Variants in NMNAT2 observed in about 807,000 individuals in gnomAD.
NMNAT2 encodes the protein nicotinamide/nicotinic acid mononucleotide adenylyltransferase 2.
In NMNAT2, 11 loss-of-function variants were observed where a neutral mutation model predicts 41.6. The ratio of observed to expected loss-of-function variants is 0.26; its 90% CI spans 0.17 to 0.44. NMNAT2 has a LOEUF of 0.44. Ranked by LOEUF, NMNAT2 falls within the 20% of genes least tolerant of loss-of-function variation. The pLI is 1.00. For missense variants in NMNAT2, 288 were observed against 407.7 expected (o/e 0.71, Z 2.53); for synonymous variants, 148 against 151.2 (o/e 0.98, Z 0.16).
At chr1:183,335,453 C>T (rs936610252) in intron 1 of NMNAT2, among the ~76,000 whole-genome samples, 3 of 152,190 alleles carry the variant, frequency 2.0e-5, no homozygotes, top group African/African-American at 7.2e-5. Flanking sequence ...TCCTCTGCAC[C>T]CCTCTGTGGC....
intron 1 of NMNAT2, among the ~76,000 whole-genome samples, chr1:183,350,282 G>A (rs1363882546): frequency 6.6e-6 from 1 of 152,090 alleles, no homozygotes; most frequent in Non-Finnish European, 1.5e-5. Flanking sequence ...GGAGAACAAG[G>A]GAGTCTCTGT....
At chr1:183,314,766 C>A (rs1288775110) in intron 1 of NMNAT2, among the ~76,000 whole-genome samples, 1 of 152,208 alleles carries the variant, frequency 6.6e-6, no homozygotes, top group Non-Finnish European at 1.5e-5. Context: ...ATAATCTCAG[C>A]TACTCAAGAA....
intron 1 of NMNAT2, among the ~76,000 whole-genome samples, chr1:183,313,620 G>A (rs1191890338): frequency 6.6e-6 from 1 of 151,998 alleles, no homozygotes; most frequent in Non-Finnish European, 1.5e-5. Flanking sequence ...CTGGTAGCTG[G>A]GATTACAGGC....
chr1:183,338,614 A>G (rs1184386833), intron 1 of NMNAT2, among the ~76,000 whole-genome samples: 6 of 152,220 alleles, frequency 3.9e-5, no homozygotes, highest in African/African-American at 1.4e-4. Flanking sequence ...GCGTATTATT[A>G]CTGTTGCCCA....
chr1:183,381,399 A>G (rs540455354), intron 1 of NMNAT2, among the ~76,000 whole-genome samples: 1 of 152,218 alleles, frequency 6.6e-6, no homozygotes, highest in Non-Finnish European at 1.5e-5. Context: ...ACCTCAATAA[A>G]AAATAAATGA....
At chr1:183,294,796 A>G (rs1200955773) in intron 1 of NMNAT2, among the ~76,000 whole-genome samples, 1 of 152,182 alleles carries the variant, frequency 6.6e-6, no homozygotes, top group Non-Finnish European at 1.5e-5. Flanking sequence ...TCTAAAAACA[A>G]AACAAAACAA....
At chr1:183,337,522 T>A (rs1225279753) in intron 1 of NMNAT2, among the ~76,000 whole-genome samples, 1 of 139,152 alleles carries the variant, frequency 7.2e-6, no homozygotes, top group Non-Finnish European at 1.5e-5. Flanking sequence ...AGACCTTGAA[T>A]CTAGGTTTGC....
intron 1 of NMNAT2, among the ~76,000 whole-genome samples, chr1:183,367,070 T>C (rs1349668042): frequency 6.6e-6 from 1 of 152,214 alleles, no homozygotes; most frequent in Non-Finnish European, 1.5e-5. Context: ...CTTAGATATG[T>C]CCACCCTAAG....
Position 183,292,837 on chromosome 1 carries a change from G to A in NMNAT2, c.195C>T (p.His65=), listed in dbSNP as rs557090448. The change falls in exon 3 of 11, where the codon CAC becomes CAT. Residue 65 remains histidine, a synonymous_variant. Coordinates refer to ENST00000287713, the MANE Select transcript of NMNAT2 (RefSeq NM_015039.4). ...CGGCCAGCTGACACATGATGAGACG[G>A]TGCCGGCTTGACACGAGGCCCTGGG... is the stretch of plus-strand genomic sequence containing the variant. ...YGKQGLVSSR[H]RLIMCQLAVQ... The A allele has an allele frequency of 1.9e-6, 3 of 1,614,124 alleles. No homozygotes were observed. Among genetic ancestry groups the A allele is most frequent in the East Asian group, 2.2e-5 (1 of 44,866 alleles).
chr1:183,381,592 G>C (rs1034403611), intron 1 of NMNAT2, among the ~76,000 whole-genome samples: 1 of 152,140 alleles, frequency 6.6e-6, no homozygotes, highest in Non-Finnish European at 1.5e-5. Context: ...AGTTACTTGG[G>C]AAGCTTAGGC....
intron 1 of NMNAT2, among the ~76,000 whole-genome samples, chr1:183,315,675 A>G (rs1464661222): frequency 1.3e-5 from 2 of 151,796 alleles, no homozygotes; most frequent in East Asian, 3.9e-4. Context: ...CCAGCTACAC[A>G]GGAGGCTGAG....
At chr1:183,410,718 A>G (rs1649092847) in intron 1 of NMNAT2, among the ~76,000 whole-genome samples, 1 of 150,672 alleles carries the variant, frequency 6.6e-6, no homozygotes, top group Admixed American at 6.6e-5. Context: ...CTCTCTTCCC[A>G]GAATGCCATT....
At chr1:183,286,223 C>T (rs993129815) in intron 5 of NMNAT2, among the ~76,000 whole-genome samples, 7 of 152,074 alleles carry the variant, frequency 4.6e-5, no homozygotes, top group African/African-American at 1.4e-4. Flanking sequence ...AGGTGTGTGC[C>T]ACCATGCCCA....
intron 1 of NMNAT2, among the ~76,000 whole-genome samples, chr1:183,360,801 C>T (rs1430758967): frequency 6.6e-6 from 1 of 152,150 alleles, no homozygotes; most frequent in Non-Finnish European, 1.5e-5. Flanking sequence ...AAGTGCAGAT[C>T]CTCCAGGATT....
intron 1 of NMNAT2, among the ~76,000 whole-genome samples, chr1:183,328,221 C>A (rs1449791354): frequency 6.6e-6 from 1 of 152,090 alleles, no homozygotes; most frequent in Non-Finnish European, 1.5e-5. Context: ...AGGCCAGGAC[C>A]CTGGCTTCCT....
intron 1 of NMNAT2, among the ~76,000 whole-genome samples, chr1:183,333,275 G>A (rs2102339960): frequency 6.6e-6 from 1 of 152,352 alleles, no homozygotes; most frequent in East Asian, 1.9e-4. Flanking sequence ...GGAGTGGGAT[G>A]AGAGGGTCAT....
intron 1 of NMNAT2, among the ~76,000 whole-genome samples, chr1:183,411,196 T>C (rs1322538053): frequency 1.3e-5 from 2 of 152,236 alleles, no homozygotes; most frequent in Non-Finnish European, 1.5e-5. Flanking sequence ...CTTTGTTTAG[T>C]TTGTTATCTC....
intron 1 of NMNAT2, among the ~76,000 whole-genome samples, chr1:183,341,710 C>A (rs145608571): frequency 2.5e-4 from 4 of 16,038 alleles, no homozygotes; most frequent in Admixed American, 1.5e-3. Context: ...GAGGAAAAGA[C>A]AAACAAACAA....
Position 183,396,109 on chromosome 1 carries a change from C to A in NMNAT2, c.85+22074G>T, listed in dbSNP as rs187246125. 1.6e-4 allele frequency among the ~76,000 whole-genome samples: 24 copies of A among 152,334 alleles called. No individual in the cohort carries two copies. The East Asian group carries it at 3.5e-3, about 22-fold the overall frequency. ...GCAAGATTCCCAGAGCAGTGCCAGC[C>A]TTTCTGCAAACAAACCCTGGCACTA... On this transcript the variant is annotated intron_variant, in intron 1 of 10. Coordinates refer to ENST00000287713, the MANE Select transcript of NMNAT2 (RefSeq NM_015039.4).
Sources: allele counts gnomAD v4.1 joint callset (sites outside exome capture counted in the v4.1 genomes callset), GRCh38; gene constraint gnomAD v4.1.1; transcripts MANE v1.5; gene names NCBI Gene and HGNC (gene_info 2026-07-23, HGNC 2026-07-21).